TENM2: variants seen among roughly 807,000 people sequenced by gnomAD.
TENM2 encodes teneurin-2.
Under a neutral mutation model 245.2 loss-of-function variants are expected in TENM2, and 52 were observed. That is an observed-to-expected ratio of 0.21 (90% confidence interval 0.17 to 0.27). TENM2 has a LOEUF of 0.27. Among genes scored for constraint, TENM2 ranks in the 10% least tolerant of loss-of-function variants. The pLI is 1.00. For missense variants in TENM2, 3,046 were observed against 3,666.8 expected, an observed-to-expected ratio of 0.83 and a Z score of 4.37; for synonymous variants, 1,363 against 1,438.9, an observed-to-expected ratio of 0.95 and a Z score of 1.19.
At chr5:168,064,565 A>G (rs1485156460) in intron 7 of TENM2, among the ~76,000 whole-genome samples, 1 of 152,206 alleles carries the variant, frequency 6.6e-6, no homozygotes, top group African/African-American at 2.4e-5. Context: ...GACATTCAGG[A>G]CTCAAATCCT....
intron 2 of TENM2, among the ~76,000 whole-genome samples, chr5:167,583,510 A>ACACC (rs777180325): frequency 4.5e-4 from 68 of 150,008 alleles, no homozygotes; most frequent in African/African-American, 4.4e-4. Flanking sequence ...ACACACACAC[A>ACACC]CCCCAAACCT....
intron 2 of TENM2, among the ~76,000 whole-genome samples, chr5:167,773,206 T>C (rs1561765340): frequency 6.6e-6 from 1 of 152,212 alleles, no homozygotes. Flanking sequence ...AAATTGGATT[T>C]TTTAAAGTGC....
At chr5:167,826,929 A>C (rs1363853383) in intron 2 of TENM2, among the ~76,000 whole-genome samples, 1 of 152,198 alleles carries the variant, frequency 6.6e-6, no homozygotes, top group Non-Finnish European at 1.5e-5. Flanking sequence ...TTTATAATAG[A>C]ATGTTTTCTC....
the TENM2 span, among the ~76,000 whole-genome samples, chr5:166,996,745 G>A: frequency 1.5e-4 from 23 of 152,314 alleles, no homozygotes; most frequent in African/African-American, 5.3e-4. Context: ...GTACCTAGAT[G>A]AAGAGATGCT....
chr5:167,538,928 T>C (rs1001887991), intron 2 of TENM2, among the ~76,000 whole-genome samples: 1 of 152,184 alleles, frequency 6.6e-6, no homozygotes, highest in African/African-American at 2.4e-5. Context: ...TTCTTAAACC[T>C]TTCCCATCAT....
At chr5:168,102,041 G>GT (rs1001229847) in intron 9 of TENM2, among the ~76,000 whole-genome samples, 1 of 112,276 alleles carries the variant, frequency 8.9e-6, no homozygotes, top group African/African-American at 3.4e-5. Flanking sequence ...TAGTTCCATA[G>GT]TTTTTTTGTT....
chr5:168,034,107 A>G (rs1035301109), intron 5 of TENM2, among the ~76,000 whole-genome samples: 8 of 126,974 alleles, frequency 6.3e-5, no homozygotes, highest in African/African-American at 2.0e-4. Context: ...ATATATATGT[A>G]TACATATATA....
intron 2 of TENM2, among the ~76,000 whole-genome samples, chr5:167,859,676 CT>C (rs1249648050): frequency 9.3e-6 from 1 of 107,546 alleles, no homozygotes; most frequent in East Asian, 3.1e-4. Context: ...CCAGCCGCCC[CT>C]ACTGGGAAGT....
rs765688739 is a variant in TENM2, at chr5:168,218,903, C to T, written c.5012C>T (p.Ser1671Phe). ...ACCAATGGAGGCCTCAAAGTCGTGT[C>T]CACACAGAACCTGGAGCTTGGTCTC... The change falls in exon 23 of 29, where the codon TCC becomes TTC. Residue 1671 changes from serine (S) to phenylalanine (F), a missense_variant. Ser to Phe is a radical substitution (Grantham distance 155). Transcript: ENST00000518659. This position sits in a 1 kb window ranked among gnomAD's most constrained non-coding sequence, Gnocchi z 5.2. 5 of 1,613,976 alleles carry T rather than the reference C, an allele frequency of 3.1e-6. No individual in the cohort carries two copies. The highest frequency in any genetic ancestry group is 1.1e-5 in the South Asian group (1 of 91,072).
intron 2 of TENM2, among the ~76,000 whole-genome samples, chr5:167,485,852 A>G (rs991056475): frequency 4.6e-5 from 7 of 152,130 alleles, no homozygotes; most frequent in Admixed American, 4.6e-4. Context: ...TAATGTAGAA[A>G]AGTATTGTCA....
chr5:168,145,557 A>G (rs1174174453), intron 12 of TENM2, among the ~76,000 whole-genome samples: 8 of 148,618 alleles, frequency 5.4e-5, no homozygotes, highest in African/African-American at 1.7e-4. Context: ...TTTTGGTACC[A>G]GTACCATGCT....
chr5:167,520,854 C>T (rs887431056), intron 2 of TENM2, among the ~76,000 whole-genome samples: 10 of 151,512 alleles, frequency 6.6e-5, no homozygotes, highest in South Asian at 4.2e-4. Context: ...CAATTTTTAA[C>T]GACTTAATTC....
intron 25 of TENM2, among the ~76,000 whole-genome samples, chr5:168,242,827 C>A (rs1463301695): frequency 6.6e-6 from 1 of 152,020 alleles, no homozygotes; most frequent in Non-Finnish European, 1.5e-5. Flanking sequence ...ATGGCACATG[C>A]CTCTAATCCC....
At chr5:167,232,143 G>A in the TENM2 span, among the ~76,000 whole-genome samples, 1 of 152,126 alleles carries the variant, frequency 6.6e-6, no homozygotes, top group Non-Finnish European at 1.5e-5. Context: ...AGCACTCATG[G>A]AGAACCTTTT....
chr5:166,991,888 T>C, the TENM2 span, among the ~76,000 whole-genome samples: 1 of 152,186 alleles, frequency 6.6e-6, no homozygotes, highest in Non-Finnish European at 1.5e-5. Flanking sequence ...GCTTTAGGCA[T>C]GGCCTCCAAC....
chr5:167,662,930 G>C lies in TENM2; in HGVS notation c.503-213056G>C, dbSNP rs367789810. On this transcript the variant is annotated intron_variant, in intron 2 of 28. Coordinates refer to ENST00000518659, the Ensembl canonical transcript of TENM2. ...AGTTTGAGAAGCCCATTTTAGAACA[G>C]TGAACTTAACACAAGATGTTTTCAT... Among the ~76,000 whole-genome samples the C allele has an allele frequency of 2.0e-5, 3 of 152,286 alleles. No individual in the cohort carries two copies. The East Asian group carries it at 5.8e-4, about 29-fold the overall frequency.
intron 2 of TENM2, among the ~76,000 whole-genome samples, chr5:167,649,323 A>C (rs543336866): frequency 2.6e-5 from 4 of 152,158 alleles, no homozygotes; most frequent in Non-Finnish European, 4.4e-5. Flanking sequence ...AAAGGCTGCA[A>C]AATGCTTCAG....
At chr5:167,952,424 C>G in intron 3 of TENM2, 164 bp from the exon 6 acceptor site, 1 of 615,350 alleles carries the variant, frequency 1.6e-6, no homozygotes, top group Non-Finnish European at 2.9e-6. Flanking sequence ...TTATTTGTAA[C>G]TGACTCTGGG....
chr5:168,122,790 A>T (rs185782055), intron 10 of TENM2, among the ~76,000 whole-genome samples: 30 of 151,778 alleles, frequency 2.0e-4, no homozygotes, highest in South Asian at 8.3e-4. Flanking sequence ...TACCTTCCTG[A>T]GAATATCCAA....
Sources: allele counts gnomAD v4.1 joint callset (sites outside exome capture counted in the v4.1 genomes callset), GRCh38; gene constraint gnomAD v4.1.1; non-coding constraint Gnocchi (gnomAD v3.1); transcripts MANE v1.5; gene names NCBI Gene and HGNC (gene_info 2026-07-23, HGNC 2026-07-21).